DNAH2: variants seen among roughly 807,000 people sequenced by gnomAD.
DNAH2 encodes dynein axonemal heavy chain 2.
DNAH2 carries 323 observed loss-of-function variants against 523.5 expected under a neutral mutation model. That is an observed-to-expected ratio of 0.62 (90% confidence interval 0.56 to 0.68). The LOEUF is 0.68. Ranked by LOEUF, DNAH2 falls within the 30% of genes least tolerant of loss-of-function variation. The pLI, the probability that DNAH2 is intolerant of heterozygous loss-of-function variation, is 0.00. For synonymous variants in DNAH2, 2,093 were observed against 2,177.4 expected (o/e 0.96, Z 1.08); for missense variants, 4,907 against 5,701.5 (o/e 0.86, Z 4.49).
chr17:7,794,223 C>G (rs756333151), intron 48 of DNAH2, 31 bp from the exon 49 acceptor site: 1 of 1,550,320 alleles, frequency 6.5e-7, no homozygotes, highest in African/African-American at 1.4e-5. Context: ...TCCCCTCCTG[C>G]CTGTCTGCCC....
intron 3 of DNAH2, among the ~76,000 whole-genome samples, chr17:7,725,784 T>C (rs993575936): frequency 1.7e-4 from 25 of 149,478 alleles, no homozygotes; most frequent in South Asian, 8.4e-4. Flanking sequence ...AAAAATGACA[T>C]ATCTATGCAG....
intron 69 of DNAH2, 40 bp from the exon 70 acceptor site, chr17:7,818,603 A>C (rs1306964702): frequency 6.2e-7 from 1 of 1,611,056 alleles, no homozygotes; most frequent in Admixed American, 1.7e-5. Context: ...TGAAGGTCGA[A>C]GGAGTGACAG....
Position 7,831,907 on chromosome 17 carries a change from CA to C in DNAH2, c.12726+134del. The C allele has an allele frequency of 1.3e-6, 1 of 740,888 alleles. No individual in the cohort carries two copies. Among genetic ancestry groups the C allele is most frequent in the East Asian group, 2.7e-5 (1 of 36,758 alleles). The allele number at this position is 740,888 out of a possible 1,614,324, so 45.9% of individuals were successfully genotyped here. ...CCGAAACTTTGAAGTTAGATAGGTT[CA>C]AGGTTAAAACCTGGCTCTGCCATTC... On this transcript the variant is annotated intron_variant, in intron 82 of 85. Coordinates refer to ENST00000572933, the MANE Select transcript of DNAH2 (RefSeq NM_020877.5). This position sits in a 1 kb window ranked among gnomAD's most constrained non-coding sequence, Gnocchi z 4.2.
At position 7,807,358 on chromosome 17, in the gene DNAH2, C is replaced by A. The variant is rs1457595157; in HGVS notation, c.9612+39C>A. 6.2e-7 allele frequency: 1 copy of A among 1,603,430 alleles called. No individual in the cohort carries two copies. Among genetic ancestry groups the A allele is most frequent in the Non-Finnish European group, 8.5e-7 (1 of 1,175,214 alleles). ...GGCTGGGGCGGGGCGGTAGGGAGGG[C>A]AGGCCTGGGGGAGTGCGGATGCACA... On this transcript the variant is annotated intron_variant, in intron 62 of 85. Coordinates refer to ENST00000572933, the MANE Select transcript of DNAH2 (RefSeq NM_020877.5). This position sits in a 1 kb window ranked among gnomAD's most constrained non-coding sequence, Gnocchi z 5.6.
chr17:7,816,617 T>C lies in DNAH2; in HGVS notation c.9776T>C (p.Leu3259Pro). Reference protein sequence around the residue: ...EMLKKQYDEKLAQKEELRKKS... With the variant: ...EMLKKQYDEKPAQKEELRKKS... ...CTAAAGAAACAGTATGATGAGAAGC[T>C]GGCACAGAAGGAGGAGCTTCGCAAG... is the stretch of plus-strand genomic sequence containing the variant. Residue 3259 changes from leucine to proline, a missense_variant, in exon 64 of 86, where the codon CTG (leucine) becomes CCG (proline). Leu to Pro is a moderately conservative substitution (Grantham distance 98, BLOSUM62 -3). Transcript: ENST00000572933. The C allele has an allele frequency of 1.2e-6, 2 of 1,614,188 alleles. No homozygotes were observed. The highest frequency in any genetic ancestry group is 1.7e-6 in the Non-Finnish European group (2 of 1,180,036).
At position 7,831,797 on chromosome 17, in the gene DNAH2, T is replaced by C. The variant is rs200960761; in HGVS notation, c.12726+22T>C. On this transcript the variant is annotated intron_variant, in intron 82 of 85. Coordinates refer to ENST00000572933, the MANE Select transcript of DNAH2 (RefSeq NM_020877.5). The surrounding 1 kb of genome is among the most constrained non-coding windows in gnomAD (Gnocchi z 4.2). ...AAAGGCAAGATTATACCATTGTTGA[T>C]CCTTCTCCAACAATGAGCTCCCCTC... 119 of 1,595,592 alleles carry C rather than the reference T, an allele frequency of 7.5e-5. No homozygotes were observed. Among genetic ancestry groups the C allele is most frequent in the African/African-American group, 2.7e-5 (2 of 74,554 alleles).
At position 7,765,147 on chromosome 17, in the gene DNAH2, A is replaced by G. The variant is rs909229389; in HGVS notation, c.3337-244A>G. On this transcript the variant is annotated intron_variant, in intron 20 of 85. Transcript: ENST00000572933. ...AACTCGTCCCCAGACTCTGGTCTGG[A>G]GGATCAGAAAAGAGTCCTTAAAAAC... Among the ~76,000 whole-genome samples the G allele has an allele frequency of 9.9e-5, 15 of 152,108 alleles. 1 individual carries two copies. The highest frequency in any genetic ancestry group is 2.9e-4 in the African/African-American group (12 of 41,374).
chr17:7,821,265 G>A lies in DNAH2; in HGVS notation c.11038G>A (p.Glu3680Lys), dbSNP rs372411442. The change falls in exon 73 of 86, where the codon GAA (glutamate) becomes AAA (lysine). Residue 3680 changes from glutamate to lysine, a missense_variant. Coordinates refer to ENST00000572933, the MANE Select transcript of DNAH2 (RefSeq NM_020877.5). The surrounding 1 kb of genome is among the most constrained non-coding windows in gnomAD (Gnocchi z 5.0). ...VYRYTCRTLF[E>K]RHKLLFSFHM... The stretch of plus-strand genomic sequence containing the variant: ...CAGGTACACCTGCCGTACCCTTTTC[G>A]AACGCCACAAACTACTATTCAGTTT... 2.5e-5 allele frequency: 41 copies of A among 1,613,274 alleles called. No homozygotes were observed. Among genetic ancestry groups the A allele is most frequent in the East Asian group, 6.7e-5 (3 of 44,882 alleles).
chr17:7,811,946 T>C lies in DNAH2; in HGVS notation c.9729+4360T>C, dbSNP rs575077475. On this transcript the variant is annotated intron_variant, in intron 63 of 85. Coordinates refer to ENST00000572933, the MANE Select transcript of DNAH2 (RefSeq NM_020877.5). ...TCAGAATGAAGTCTCTCGTGAGCAT[T>C]ATTTGAGATTAAAATAGAACTCAAG... is the stretch of plus-strand genomic sequence containing the variant. 4.6e-5 allele frequency among the ~76,000 whole-genome samples: 7 copies of C among 152,324 alleles called. No individual in the cohort carries two copies. In the South Asian group the frequency reaches 1.4e-3, roughly 32 times the overall value.
chr17:7,733,967 T>A (rs985136513), intron 5 of DNAH2, among the ~76,000 whole-genome samples: 10 of 152,204 alleles, frequency 6.6e-5, no homozygotes, highest in African/African-American at 1.9e-4. Flanking sequence ...ATCTTTGACC[T>A]TATTTTATGG....
At chr17:7,775,910 C>T (rs1240069091) in intron 30 of DNAH2, 114 bp from the exon 31 acceptor site, 10 of 1,412,970 alleles carry the variant, frequency 7.1e-6, no homozygotes, top group Admixed American at 2.1e-5. Context: ...TGGCCATTCC[C>T]GCTTTTCTCT....
In DNAH2 at chr17:7,831,018, G is replaced by A. The variant is rs1597799525; in HGVS notation, c.12231-68G>A. 1 of 1,541,556 alleles carries A rather than the reference G, an allele frequency of 6.5e-7. No homozygotes were observed. The highest frequency in any genetic ancestry group is 8.9e-7 in the Non-Finnish European group (1 of 1,127,912). ...GGACAAATTGGACATGCATAGGTTT[G>A]GGGTCTTGGCCTGGCATTGAGGGCT... On this transcript the variant is annotated intron_variant, in intron 79 of 85. Transcript: ENST00000572933. This position sits in a 1 kb window ranked among gnomAD's most constrained non-coding sequence, Gnocchi z 4.2.
chr17:7,792,994 A>G lies in DNAH2; in HGVS notation c.7358A>G (p.Asn2453Ser), dbSNP rs567267489. Residue 2453 changes from asparagine (N) to serine (S), a missense_variant, in exon 48 of 86, where the codon AAC becomes AGC. Asn to Ser is a conservative substitution (Grantham distance 46, BLOSUM62 1). Around this residue, in one of 3 missense-constraint regions of DNAH2, gnomAD observed 2,806 missense variants for 3,190.8 expected, o/e 0.88. Transcript: ENST00000572933. ...CCTTTTCACCAGACCACATCCAATA[A>G]CGTGCAGAGCATCATTGAGAGCAGG... ...VNMSAQTTSN[N>S]VQSIIESRVE... 6 of 1,610,978 alleles carry G rather than the reference A, an allele frequency of 3.7e-6. No homozygotes were observed. In the South Asian group the frequency reaches 6.6e-5, roughly 18 times the overall value.
At chr17:7,830,155 A>G (rs546769129) in intron 77 of DNAH2, 145 bp from the exon 78 acceptor site, 2 of 779,836 alleles carry the variant, frequency 2.6e-6, no homozygotes, top group South Asian at 2.1e-5. Context: ...TGGCATGTAG[A>G]TCAACGGCTA....
chr17:7,736,269 T>G (rs1382931042), intron 7 of DNAH2, among the ~76,000 whole-genome samples: 1 of 152,154 alleles, frequency 6.6e-6, no homozygotes, highest in East Asian at 1.9e-4. Flanking sequence ...AGAATACAGA[T>G]AGAAGACCTG....
chr17:7,735,552 C>T (rs1009755810), intron 7 of DNAH2, among the ~76,000 whole-genome samples: 2 of 152,006 alleles, frequency 1.3e-5, no homozygotes, highest in African/African-American at 4.8e-5. Context: ...GATCCTCCCA[C>T]ATCAGCCTCC....
At chr17:7,755,275 A>G (rs532675745) in intron 12 of DNAH2, among the ~76,000 whole-genome samples, 1 of 150,204 alleles carries the variant, frequency 6.7e-6, no homozygotes, top group African/African-American at 2.4e-5. Flanking sequence ...TGCAGCCTGG[A>G]GAACCCAGGT....
chr17:7,788,361 A>G (rs2076804142), intron 44 of DNAH2, 117 bp downstream of exon 44: 1 of 1,292,588 alleles, frequency 7.7e-7, no homozygotes, highest in Admixed American at 2.8e-5. Context: ...AGTGGAGCAG[A>G]GACTCCAGGG....
intron 61 of DNAH2, among the ~76,000 whole-genome samples, chr17:7,806,219 G>T (rs1342409096): frequency 6.6e-6 from 1 of 152,234 alleles, no homozygotes; most frequent in Non-Finnish European, 1.5e-5. Context: ...CTTAATGTAA[G>T]TGCTCTGAGC....
Sources: allele counts gnomAD v4.1 joint callset (sites outside exome capture counted in the v4.1 genomes callset), GRCh38; gene constraint gnomAD v4.1.1; regional missense constraint gnomAD v4.1.1; non-coding constraint Gnocchi (gnomAD v3.1); transcripts MANE v1.5; gene names NCBI Gene and HGNC (gene_info 2026-07-23, HGNC 2026-07-21).